APBA2: variants seen among roughly 807,000 people sequenced by gnomAD.
The protein encoded by APBA2 is amyloid beta precursor protein binding family A member 2.
A neutral mutation model predicts 75.0 loss-of-function variants in APBA2; 30 were observed. That is an observed-to-expected ratio of 0.40 (90% CI 0.30 to 0.54). The LOEUF (loss-of-function observed/expected upper bound fraction) is 0.54, where lower values mean the gene tolerates loss of function less well. APBA2 is among the 20% of genes least tolerant of loss of function. APBA2 has a pLI of 0.49. For missense variants in APBA2, 801 were observed against 1,016.1 expected (o/e 0.79, Z 2.88); for synonymous variants, 444 against 409.6 (o/e 1.08, Z -1.01).
intron 11 of APBA2, 28 bp from the exon 12 acceptor site, chr15:29,106,579 C>A (rs2152971698): frequency 6.2e-7 from 1 of 1,612,446 alleles, no homozygotes; most frequent in South Asian, 1.1e-5. Flanking sequence ...TGCCGCCAGC[C>A]CCTCTCACAC....
intron 4 of APBA2, among the ~76,000 whole-genome samples, chr15:29,065,276 T>A (rs1566965560): frequency 1.3e-5 from 2 of 152,148 alleles, no homozygotes; most frequent in Non-Finnish European, 2.9e-5. Context: ...CCCTAGGAAG[T>A]GCAGGGCTCG....
chr15:29,105,630 G>T, intron 11 of APBA2, 72 bp downstream of exon 11: 2 of 1,560,250 alleles, frequency 1.3e-6, no homozygotes, highest in Non-Finnish European at 1.8e-6. Context: ...TGCAGAGCGA[G>T]CCTTCCCGGG....
intron 2 of APBA2, among the ~76,000 whole-genome samples, chr15:28,949,071 A>T (rs969944205): frequency 6.6e-6 from 1 of 151,732 alleles, no homozygotes; most frequent in African/African-American, 2.4e-5. Context: ...AGTGAGGAGA[A>T]CACACCGAGA....
chr15:28,897,977 C>G (rs1293908223), intron 1 of APBA2, among the ~76,000 whole-genome samples: 2 of 152,074 alleles, frequency 1.3e-5, no homozygotes, highest in Non-Finnish European at 2.9e-5. Flanking sequence ...ATGCCATCCT[C>G]AAGGATCGTA....
intron 2 of APBA2, among the ~76,000 whole-genome samples, chr15:28,972,601 G>C (rs528282158): frequency 6.6e-6 from 1 of 152,208 alleles, no homozygotes; most frequent in Admixed American, 6.5e-5. Context: ...GAAAGAAAAC[G>C]TGAGTGAAGG....
chr15:29,056,512 T>A (rs2041891039), intron 4 of APBA2, among the ~76,000 whole-genome samples: 1 of 151,774 alleles, frequency 6.6e-6, no homozygotes, highest in South Asian at 2.1e-4. Flanking sequence ...ATAGCTTTTG[T>A]TTTGTTTTGT....
At chr15:29,085,997 T>C (rs1468681116) in intron 6 of APBA2, among the ~76,000 whole-genome samples, 4 of 152,334 alleles carry the variant, frequency 2.6e-5, no homozygotes, top group South Asian at 2.1e-4. Flanking sequence ...ATGGACTTAC[T>C]GAGCTGCTTC....
At chr15:29,016,911 C>T (rs1359094501) in intron 3 of APBA2, among the ~76,000 whole-genome samples, 1 of 152,076 alleles carries the variant, frequency 6.6e-6, no homozygotes, top group African/African-American at 2.4e-5. Flanking sequence ...TTAACCTGTT[C>T]CTTTCATCAA....
At chr15:28,950,649 A>G (rs1371997295) in intron 2 of APBA2, among the ~76,000 whole-genome samples, 2 of 151,386 alleles carry the variant, frequency 1.3e-5, no homozygotes, top group Admixed American at 6.6e-5. Flanking sequence ...AGAAAGCAAA[A>G]AAAGATTACC....
chr15:28,944,434 C>T (rs112503484), intron 2 of APBA2, among the ~76,000 whole-genome samples: 1,775 of 152,332 alleles, frequency 0.012, 38 homozygotes, highest in African/African-American at 0.04. Context: ...CCGCCTCACT[C>T]GTTTTTCCTC....
intron 4 of APBA2, 72 bp from the exon 5 acceptor site, chr15:29,074,849 T>A (rs2042778569): frequency 7.2e-7 from 1 of 1,395,404 alleles, no homozygotes; most frequent in Non-Finnish European, 1.0e-6. Flanking sequence ...TGTATCACAT[T>A]GCATATTCAG....
intron 3 of APBA2, among the ~76,000 whole-genome samples, chr15:29,037,687 A>G (rs1309595677): frequency 6.6e-6 from 1 of 152,118 alleles, no homozygotes; most frequent in East Asian, 1.9e-4. Context: ...ACGTAGTACC[A>G]CAGACTGGGT....
chr15:29,115,305 A>G (rs12050880), intron 14 of APBA2, among the ~76,000 whole-genome samples: 1 of 151,350 alleles, frequency 6.6e-6, no homozygotes, highest in African/African-American at 2.4e-5. Context: ...TGAGGTCTCC[A>G]GGAGCCACAT....
chr15:29,016,765 T>A (rs1430311400), intron 3 of APBA2, among the ~76,000 whole-genome samples: 1 of 152,184 alleles, frequency 6.6e-6, no homozygotes, highest in Non-Finnish European at 1.5e-5. Context: ...AGGTGTCTCC[T>A]CTGATGGTGT....
In APBA2 at chr15:29,113,291, CCT is replaced by C. The variant is rs571114153; in HGVS notation, c.2038-584_2038-583del. On this transcript the variant is annotated intron_variant, in intron 13 of 14. Coordinates refer to ENST00000683413, the MANE Select transcript of APBA2 (RefSeq NM_001353788.2). ...TCCAGCCTGGGTGACAGAATGAGAC[CCT>C]GTCTCCAACAAAACCAGAACCAGTA... 3.3e-5 allele frequency among the ~76,000 whole-genome samples: 5 copies of C among 152,146 alleles called. No individual in the cohort carries two copies. The East Asian group carries it at 9.7e-4, about 29-fold the overall frequency.
intron 10 of APBA2, among the ~76,000 whole-genome samples, chr15:29,104,047 C>G (rs1372368407): frequency 6.6e-6 from 1 of 152,258 alleles, no homozygotes; most frequent in African/African-American, 2.4e-5. Context: ...CAGTTCCACG[C>G]CTGCTGGAGG....
chr15:28,971,813 C>T (rs1000506762), intron 2 of APBA2, among the ~76,000 whole-genome samples: 1 of 152,202 alleles, frequency 6.6e-6, no homozygotes, highest in Non-Finnish European at 1.5e-5. Context: ...TCCCTCCCTA[C>T]TGACTCTACT....
chr15:28,906,104 T>C (rs1238535055), intron 1 of APBA2, among the ~76,000 whole-genome samples: 1 of 152,190 alleles, frequency 6.6e-6, no homozygotes, highest in Non-Finnish European at 1.5e-5. Context: ...AATGAGATCC[T>C]ATTGTAAATA....
intron 4 of APBA2, among the ~76,000 whole-genome samples, chr15:29,065,004 A>AGTGTGTGTGT (rs35524060): frequency 4.7e-5 from 7 of 148,734 alleles, no homozygotes; most frequent in African/African-American, 1.7e-4. Context: ...AGGTGCTCAT[A>AGTGTGTGTGT]GTGTGTGTGT....
Sources: gnomAD v4.1 joint callset for allele counts (sites outside exome capture counted in the v4.1 genomes callset) on GRCh38, gnomAD v4.1.1 for gene constraint, MANE v1.5 for transcripts, NCBI Gene and HGNC (gene_info 2026-07-23, HGNC 2026-07-21) for gene names.